Variants in RB1CC1 observed in about 807,000 individuals in gnomAD.
RB1CC1 encodes the protein RB1-inducible coiled-coil protein 1.
A neutral mutation model predicts 177.5 loss-of-function variants in RB1CC1; 46 were observed. That is an observed-to-expected ratio of 0.26 (90% CI 0.20 to 0.33). RB1CC1 has a LOEUF of 0.33. Among genes scored for constraint, RB1CC1 ranks in the 10% least tolerant of loss-of-function variants. The pLI, the probability that RB1CC1 is intolerant of heterozygous loss-of-function variation, is 1.00. For synonymous variants in RB1CC1, 666 were observed against 613.6 expected (o/e 1.09, Z -1.26); for missense variants, 1,703 against 1,816.3 (o/e 0.94, Z 1.13).
At chr8:52,707,289 A>G (rs1204589230) in intron 1 of RB1CC1, among the ~76,000 whole-genome samples, 1 of 152,124 alleles carries the variant, frequency 6.6e-6, no homozygotes, top group Non-Finnish European at 1.5e-5. Flanking sequence ...TGGAAATCCT[A>G]CTGTTACCTC....
chr8:52,703,972 C>A (rs1462843372), intron 1 of RB1CC1, among the ~76,000 whole-genome samples: 1 of 152,154 alleles, frequency 6.6e-6, no homozygotes. Flanking sequence ...GTTACATACT[C>A]CTATATGCTA....
chr8:52,623,674 C>A lies in RB1CC1; in HGVS notation c.*108G>T. The A allele has an allele frequency of 2.6e-6, 2 of 766,740 alleles. No individual in the cohort carries two copies. Among genetic ancestry groups the A allele is most frequent in the Non-Finnish European group, 4.6e-6 (2 of 432,324 alleles). 47.5% of individuals were successfully genotyped at this position (766,740 alleles called of 1,614,324 possible). A position where few individuals can be genotyped will look rare whatever the true frequency, so the allele number is the denominator to read the frequency against. On this transcript the variant is annotated 3_prime_UTR_variant, in exon 24 of 24. Transcript: ENST00000025008. Reference sequence around the variant, plus strand: ...TGTACACCAGTGAAGTATATTGTCACGCTGACTTTTGCATAAAAAGATGGC... The same window carrying A: ...TGTACACCAGTGAAGTATATTGTCAAGCTGACTTTTGCATAAAAAGATGGC...
chr8:52,713,040 T>G (rs1167994998), intron 1 of RB1CC1, among the ~76,000 whole-genome samples: 1 of 152,236 alleles, frequency 6.6e-6, no homozygotes, highest in Non-Finnish European at 1.5e-5. Context: ...TACTTAAGTC[T>G]CTTCCTAAAT....
intron 1 of RB1CC1, among the ~76,000 whole-genome samples, chr8:52,703,311 G>A (rs1024060383): frequency 3.3e-5 from 5 of 152,062 alleles, no homozygotes; most frequent in African/African-American, 1.2e-4. Flanking sequence ...CCTACTATCT[G>A]CAGATTCCAT....
At chr8:52,653,428 G>C (rs756141891) in intron 15 of RB1CC1, among the ~76,000 whole-genome samples, 2 of 152,122 alleles carry the variant, frequency 1.3e-5, no homozygotes, top group African/African-American at 2.4e-5. Context: ...CTGTGGTAGT[G>C]GTTGTCCGTA....
At chr8:52,687,597 G>A (rs150504990) in intron 1 of RB1CC1, among the ~76,000 whole-genome samples, 2 of 152,236 alleles carry the variant, frequency 1.3e-5, no homozygotes, top group African/African-American at 4.8e-5. Flanking sequence ...AGGCCCACCT[G>A]ATAAGGAATT....
intron 5 of RB1CC1, among the ~76,000 whole-genome samples, chr8:52,681,944 CCACA>C (rs1281722569): frequency 6.6e-6 from 1 of 152,158 alleles, no homozygotes; most frequent in Admixed American, 6.5e-5. Flanking sequence ...GTCGGAGCCC[CCACA>C]CAGAGTCCCT....
intron 5 of RB1CC1, 116 bp from the exon 6 acceptor site, chr8:52,676,687 GTATTTCAAAGGACTGTTTTAGTT>G: frequency 1.1e-6 from 1 of 897,286 alleles, no homozygotes; most frequent in Non-Finnish European, 1.7e-6. Context: ...ATTTAACAAA[GTATTTCAAAGGACTGTTTTAGTT>G]TATCTCTGTT....
rs1554548481 is a variant in RB1CC1, at chr8:52,680,994, GTT to G, written c.369+2553_369+2554del. 1.3e-3 allele frequency among the ~76,000 whole-genome samples: 165 copies of G among 128,610 alleles called. 1 individual carries two copies. The highest frequency in any genetic ancestry group is 4.4e-3 in the African/African-American group (141 of 31,742). 84.4% of individuals were successfully genotyped at this position (128,610 alleles called of 152,430 possible). A position where few individuals can be genotyped will look rare whatever the true frequency, so the allele number is the denominator to read the frequency against. On this transcript the variant is annotated intron_variant, in intron 5 of 23. Transcript: ENST00000025008. ...TGTGTGTGTGTGTGTGTGTGTGTGT[GTT>G]TTTTTTTTTTTTTGAGATGAAGTCT... is the stretch of plus-strand genomic sequence containing the variant.
At chr8:52,682,972 T>C (rs1290383774) in intron 5 of RB1CC1, among the ~76,000 whole-genome samples, 3 of 152,154 alleles carry the variant, frequency 2.0e-5, no homozygotes, top group Non-Finnish European at 2.9e-5. Flanking sequence ...AAAAGGTAAA[T>C]ACTATTATTT....
intron 3 of RB1CC1, among the ~76,000 whole-genome samples, chr8:52,684,447 C>T (rs1399973642): frequency 1.3e-5 from 2 of 152,092 alleles, no homozygotes; most frequent in Non-Finnish European, 2.9e-5. Context: ...TATTATTTCA[C>T]ACACTATTTA....
rs572487956 is a variant in RB1CC1, at chr8:52,694,868, A to G, written c.-166-7901T>C. ...AGGGTAGAAAACCAAAAAGAAGAAGATATTTTCCATACCTGCCACCCATCA... is the reference window on the plus strand; with the variant it reads ...AGGGTAGAAAACCAAAAAGAAGAAGGTATTTTCCATACCTGCCACCCATCA... On this transcript the variant is annotated intron_variant, in intron 1 of 23. Coordinates refer to ENST00000025008, the MANE Select transcript of RB1CC1 (RefSeq NM_014781.5). Among the ~76,000 whole-genome samples, 9 of 152,294 alleles carry G rather than the reference A, an allele frequency of 5.9e-5. No individual in the cohort carries two copies. The South Asian group carries it at 1.9e-3, about 32-fold the overall frequency.
chr8:52,622,760 ATATAGT>A lies in RB1CC1; in HGVS notation c.*1016_*1021del, dbSNP rs1404810973. ...AACACTGTTTACCCTGTTACATAGT[ATATAGT>A]TAAAGAACATTTTTGTAATAAACAT... On this transcript the variant is annotated 3_prime_UTR_variant, in exon 24 of 24. Transcript: ENST00000025008. 9.2e-5 allele frequency: 14 copies of A among 152,026 alleles called. No individual in the cohort carries two copies. The highest frequency in any genetic ancestry group is 8.6e-4 in the Admixed American group (13 of 15,192). The allele number at this position is 152,026 out of a possible 1,614,324, so 9.4% of individuals were successfully genotyped here.
At chr8:52,710,734 T>C (rs1856992282) in intron 1 of RB1CC1, among the ~76,000 whole-genome samples, 1 of 152,146 alleles carries the variant, frequency 6.6e-6, no homozygotes, top group Non-Finnish European at 1.5e-5. Context: ...TATAGAATTA[T>C]ATAAGACAGG....
At chr8:52,685,899 C>T (rs1021958563) in intron 2 of RB1CC1, 1 of 152,816 alleles carries the variant, frequency 6.5e-6, no homozygotes, top group African/African-American at 2.4e-5. Context: ...TCTTCCTCAA[C>T]ATAATAAAAA....
chr8:52,678,559 G>A (rs1591061960), intron 5 of RB1CC1, among the ~76,000 whole-genome samples: 1 of 152,126 alleles, frequency 6.6e-6, no homozygotes, highest in Admixed American at 6.5e-5. Context: ...CAAAACAAAT[G>A]TTCCACCATC....
At chr8:52,680,948 CTATT>C (rs1853640821) in intron 5 of RB1CC1, among the ~76,000 whole-genome samples, 1 of 148,864 alleles carries the variant, frequency 6.7e-6, no homozygotes, top group Non-Finnish European at 1.5e-5. Flanking sequence ...TGGGTTGAAA[CTATT>C]TGTTTTTGTG....
At position 52,661,276 on chromosome 8, in the gene RB1CC1, C is replaced by T; in HGVS notation, c.1364G>A (p.Cys455Tyr). 6.2e-7 allele frequency: 1 copy of T among 1,611,682 alleles called. No homozygotes were observed. Among genetic ancestry groups the T allele is most frequent in the South Asian group, 1.1e-5 (1 of 90,620 alleles). The change falls in exon 10 of 24, where the codon TGT becomes TAT. Residue 455 changes from cysteine (C) to tyrosine (Y), a missense_variant. Coordinates refer to ENST00000025008, the MANE Select transcript of RB1CC1 (RefSeq NM_014781.5). Reference sequence around the variant, plus strand: ...ATCAGCATGAAGCATTACAAAGCAACACCACCTAGAGAATAAAATCCATTA... The same window carrying T: ...ATCAGCATGAAGCATTACAAAGCAATACCACCTAGAGAATAAAATCCATTA... ...ANNLHVRLKW[C>Y]CFVMLHADQD... is the part of the protein sequence containing the mutation.
At chr8:52,634,475 G>A (rs776317696) in intron 20 of RB1CC1, among the ~76,000 whole-genome samples, 9 of 151,062 alleles carry the variant, frequency 6.0e-5, no homozygotes, top group Non-Finnish European at 1.2e-4. Flanking sequence ...GCAGTGAGTC[G>A]AGATCACACC....
Sources: allele counts gnomAD v4.1 joint callset (sites outside exome capture counted in the v4.1 genomes callset), GRCh38; gene constraint gnomAD v4.1.1; transcripts MANE v1.5; gene names NCBI Gene and HGNC (gene_info 2026-07-23, HGNC 2026-07-21).